The following ITPR2 variants were observed in gnomAD, a reference collection of about 807,000 sequenced individuals.
The protein encoded by ITPR2 is inositol 1,4,5-trisphosphate receptor type 2, also known as inositol 1,4,5-trisphosphate-gated calcium channel ITPR2.
A neutral mutation model predicts 317.1 loss-of-function variants in ITPR2; 207 were observed. The observed-to-expected ratio is 0.65, with a 90% confidence interval of 0.58 to 0.73. The LOEUF (loss-of-function observed/expected upper bound fraction) is 0.73. Among genes scored for constraint, ITPR2 ranks in the 30% least tolerant of loss-of-function variants. ITPR2 has a pLI of 0.00. For missense variants in ITPR2, 2,613 were observed against 3,284.0 expected (o/e 0.80, Z 4.99); for synonymous variants, 1,156 against 1,149.1 (o/e 1.01, Z -0.12).
intron 2 of ITPR2, among the ~76,000 whole-genome samples, chr12:26,782,169 A>C (rs1453240147): frequency 6.6e-6 from 1 of 151,320 alleles, no homozygotes; most frequent in Non-Finnish European, 1.5e-5. Flanking sequence ...ATATTGTATT[A>C]GTTCTGTCCC....
intron 1 of ITPR2, among the ~76,000 whole-genome samples, chr12:26,827,950 T>C (rs1352096678): frequency 6.6e-6 from 1 of 152,244 alleles, no homozygotes; most frequent in Non-Finnish European, 1.5e-5. Flanking sequence ...CAATTTGACA[T>C]GCAAAAATAT....
intron 2 of ITPR2, among the ~76,000 whole-genome samples, chr12:26,777,420 C>T (rs1429072758): frequency 6.6e-6 from 1 of 152,132 alleles, no homozygotes; most frequent in African/African-American, 2.4e-5. Context: ...ACAACAGTCA[C>T]TCAACTACAA....
intron 55 of ITPR2, among the ~76,000 whole-genome samples, chr12:26,359,335 G>A (rs1201893127): frequency 6.6e-6 from 1 of 152,186 alleles, no homozygotes; most frequent in East Asian, 1.9e-4. Context: ...TAACTAGGAT[G>A]AAACCAGTCT....
intron 26 of ITPR2, among the ~76,000 whole-genome samples, chr12:26,604,704 G>A (rs1042875062): frequency 2.6e-5 from 4 of 152,170 alleles, no homozygotes; most frequent in Non-Finnish European, 5.9e-5. Flanking sequence ...TATTTGGACA[G>A]AAATGAAAGC....
chr12:26,351,994 T>C (rs1938496759), intron 55 of ITPR2, among the ~76,000 whole-genome samples: 2 of 152,192 alleles, frequency 1.3e-5, no homozygotes, highest in African/African-American at 2.4e-5. Context: ...ACATTTGGAA[T>C]AGGGTATTGA....
At chr12:26,365,873 T>C (rs1938992415) in intron 55 of ITPR2, among the ~76,000 whole-genome samples, 1 of 152,244 alleles carries the variant, frequency 6.6e-6, no homozygotes, top group African/African-American at 2.4e-5. Context: ...AACCATTTCT[T>C]TTTGAATATT....
At chr12:26,589,337 T>A in intron 32 of ITPR2, among the ~76,000 whole-genome samples, 1 of 151,482 alleles carries the variant, frequency 6.6e-6, no homozygotes, top group Middle Eastern at 3.4e-3. Flanking sequence ...AATAGGAAAA[T>A]GAAAAATACT....
chr12:26,810,353 T>C (rs1950712323), intron 1 of ITPR2, among the ~76,000 whole-genome samples: 1 of 152,246 alleles, frequency 6.6e-6, no homozygotes, highest in South Asian at 2.1e-4. Context: ...ATCTCATCAG[T>C]TACCTGCTTT....
chr12:26,351,287 A>G (rs1037315002), intron 55 of ITPR2, among the ~76,000 whole-genome samples: 7 of 152,222 alleles, frequency 4.6e-5, no homozygotes, highest in Non-Finnish European at 8.8e-5. Context: ...CTGTAGTGGC[A>G]TCAGACTCAG....
At chr12:26,827,267 CGG>C (rs1951022420) in intron 1 of ITPR2, among the ~76,000 whole-genome samples, 2 of 94,792 alleles carry the variant, frequency 2.1e-5, no homozygotes, top group Admixed American at 2.1e-4. Flanking sequence ...TGCACTTACA[CGG>C]AGAAAAGAAC....
At chr12:26,793,852 A>C (rs1950383814) in intron 1 of ITPR2, among the ~76,000 whole-genome samples, 1 of 152,218 alleles carries the variant, frequency 6.6e-6, no homozygotes, top group African/African-American at 2.4e-5. Flanking sequence ...CAAAAATATC[A>C]TATCCTGAAA....
intron 26 of ITPR2, among the ~76,000 whole-genome samples, chr12:26,616,336 A>T (rs1946374623): frequency 2.0e-5 from 3 of 151,818 alleles, no homozygotes; most frequent in Admixed American, 2.0e-4. Context: ...ATGGGGTTTC[A>T]CTGTGTTAGC....
At chr12:26,364,779 C>A (rs1938952745) in intron 55 of ITPR2, among the ~76,000 whole-genome samples, 1 of 152,154 alleles carries the variant, frequency 6.6e-6, no homozygotes, top group African/African-American at 2.4e-5. Context: ...TCTGATTTAT[C>A]CACATTTCTG....
At chr12:26,493,884 G>T (rs542865887) in intron 39 of ITPR2, among the ~76,000 whole-genome samples, 15 of 152,320 alleles carry the variant, frequency 9.8e-5, no homozygotes, top group African/African-American at 3.6e-4. Flanking sequence ...AATCTCCTGT[G>T]TGCAGGTGAG....
chr12:26,724,002 C>T lies in ITPR2; in HGVS notation c.366+654G>A, dbSNP rs190646656. Among the ~76,000 whole-genome samples, 74 of 152,300 alleles carry T rather than the reference C, an allele frequency of 4.9e-4. 1 individual carries two copies. Among genetic ancestry groups the T allele is most frequent in the African/African-American group, 1.7e-3 (71 of 41,576 alleles). On this transcript the variant is annotated intron_variant, in intron 4 of 56. Coordinates refer to ENST00000381340, the MANE Select transcript of ITPR2 (RefSeq NM_002223.4). ...TTACAACATGGTTTTTATAAACATGCCTTACCCCGATTTCAATTTATTCAT... is the reference window on the plus strand; with the variant it reads ...TTACAACATGGTTTTTATAAACATGTCTTACCCCGATTTCAATTTATTCAT...
rs1193133333 is a variant in ITPR2 at position 26,771,289 on chromosome 12, C to T, written c.163+18868G>A. ...AATTTATAAAATTCCAGGAGCCCTC[C>T]TGAAGGAAGAATCTACTTTCCTTGT... is the stretch of plus-strand genomic sequence containing the variant. On this transcript the variant is annotated intron_variant, in intron 2 of 56. Coordinates refer to ENST00000381340, the MANE Select transcript of ITPR2 (RefSeq NM_002223.4). Among the ~76,000 whole-genome samples the T allele has an allele frequency of 3.3e-5, 5 of 152,110 alleles. No homozygotes were observed. The East Asian group carries it at 9.6e-4, about 29-fold the overall frequency.
At chr12:26,756,828 T>G (rs1314224773) in intron 2 of ITPR2, among the ~76,000 whole-genome samples, 4 of 152,176 alleles carry the variant, frequency 2.6e-5, no homozygotes, top group Non-Finnish European at 5.9e-5. Context: ...CCATCTTGAA[T>G]AGGAGCTGGG....
At chr12:26,390,021 A>G (rs565798308) in intron 54 of ITPR2, among the ~76,000 whole-genome samples, 3 of 152,346 alleles carry the variant, frequency 2.0e-5, no homozygotes, top group East Asian at 1.9e-4. Flanking sequence ...TTGGCACTCA[A>G]TTAAATACTG....
intron 37 of ITPR2, among the ~76,000 whole-genome samples, chr12:26,519,115 C>T (rs1943601082): frequency 6.6e-6 from 1 of 152,120 alleles, no homozygotes; most frequent in African/African-American, 2.4e-5. Flanking sequence ...AAGAGAAGAT[C>T]AATCCAGCAC....
Sources: gnomAD v4.1 joint callset for allele counts (sites outside exome capture counted in the v4.1 genomes callset) on GRCh38, gnomAD v4.1.1 for gene constraint, MANE v1.5 for transcripts, NCBI Gene and HGNC (gene_info 2026-07-23, HGNC 2026-07-21) for gene names.